Variants in MECOM observed in about 807,000 individuals in gnomAD.
MECOM encodes the protein histone-lysine N-methyltransferase MECOM.
Under a neutral mutation model 116.3 loss-of-function variants are expected in MECOM, and 13 were observed. The ratio of observed to expected loss-of-function variants is 0.11; its 90% CI spans 0.07 to 0.18. MECOM has a LOEUF of 0.18. Among genes scored for constraint, MECOM ranks in the 10% least tolerant of loss-of-function variants. The pLI is 1.00. For missense variants in MECOM, 1,299 were observed against 1,509.0 expected (o/e 0.86, Z 2.31); for synonymous variants, 528 against 535.2 (o/e 0.99, Z 0.19).
chr3:169,622,369 G>C (rs1770853473), intron 1 of MECOM, among the ~76,000 whole-genome samples: 1 of 152,174 alleles, frequency 6.6e-6, no homozygotes, highest in Non-Finnish European at 1.5e-5. Context: ...TGAGATTACA[G>C]GGTATGAGCC....
intron 3 of MECOM, chr3:169,131,764 C>T (rs1734793994): frequency 6.2e-6 from 4 of 640,628 alleles, no homozygotes; most frequent in African/African-American, 5.5e-5. Flanking sequence ...TTTTCCAAAT[C>T]CTACTTCACA....
intron 2 of MECOM, among the ~76,000 whole-genome samples, chr3:169,351,188 T>C (rs187191358): frequency 1.1e-4 from 17 of 151,972 alleles, no homozygotes; most frequent in African/African-American, 3.9e-4. Context: ...TTAATATAGA[T>C]GTACCCACTT....
Position 169,084,873 on chromosome 3 carries a change from T to A in MECOM, c.*36A>T. 2 of 1,613,320 alleles carry A rather than the reference T, an allele frequency of 1.2e-6. No individual in the cohort carries two copies. The highest frequency in any genetic ancestry group is 2.2e-5 in the South Asian group (2 of 90,982). On this transcript the variant is annotated 3_prime_UTR_variant, in exon 17 of 17. Coordinates refer to ENST00000651503, the MANE Select transcript of MECOM (RefSeq NM_004991.4). ...CCTATATGAAAGAGCCATGCTACTG[T>A]TGGACTTGGTCCCACTCTGGTCAAC... is the stretch of plus-strand genomic sequence containing the variant.
intron 2 of MECOM, among the ~76,000 whole-genome samples, chr3:169,178,340 G>A (rs953983027): frequency 1.3e-5 from 2 of 152,156 alleles, no homozygotes; most frequent in African/African-American, 4.8e-5. Context: ...AACCCCTGGA[G>A]GGTTTTGACA....
intron 2 of MECOM, among the ~76,000 whole-genome samples, chr3:169,333,632 A>C (rs556758253): frequency 6.6e-6 from 1 of 152,274 alleles, no homozygotes; most frequent in East Asian, 1.9e-4. Flanking sequence ...TACAAATTTT[A>C]ATTTTTTAAC....
At chr3:169,091,736 G>A (rs1719787304) in intron 14 of MECOM, among the ~76,000 whole-genome samples, 1 of 151,800 alleles carries the variant, frequency 6.6e-6, no homozygotes. Context: ...CTTTTTTCTT[G>A]TTTTTCTTTG....
At chr3:169,471,738 T>C (rs1010346733) in intron 1 of MECOM, among the ~76,000 whole-genome samples, 8 of 152,232 alleles carry the variant, frequency 5.3e-5, no homozygotes, top group African/African-American at 1.9e-4. Flanking sequence ...GAATCACATT[T>C]GTATAATTTT....
intron 2 of MECOM, among the ~76,000 whole-genome samples, chr3:169,324,764 T>C (rs886423996): frequency 1.3e-5 from 2 of 152,158 alleles, no homozygotes; most frequent in Non-Finnish European, 2.9e-5. Flanking sequence ...CTGAGGACAG[T>C]GGGCTGGGGC....
intron 2 of MECOM, among the ~76,000 whole-genome samples, chr3:169,184,092 C>T (rs1215330686): frequency 6.6e-6 from 1 of 152,126 alleles, no homozygotes; most frequent in African/African-American, 2.4e-5. Flanking sequence ...TCTCAATCTC[C>T]TGATCTCGTG....
chr3:169,348,305 T>TG (rs1725726765), intron 2 of MECOM, among the ~76,000 whole-genome samples: 1 of 152,038 alleles, frequency 6.6e-6, no homozygotes, highest in Admixed American at 6.6e-5. Flanking sequence ...GTGTGGAGTG[T>TG]GAAAAACAAT....
At chr3:169,111,035 C>T (rs1168538500) in intron 9 of MECOM, among the ~76,000 whole-genome samples, 3 of 152,210 alleles carry the variant, frequency 2.0e-5, no homozygotes, top group South Asian at 4.1e-4. Context: ...CTAACAGCTG[C>T]GAATTCATAC....
intron 2 of MECOM, among the ~76,000 whole-genome samples, chr3:169,294,923 A>G (rs1050019775): frequency 3.0e-4 from 45 of 152,104 alleles, no homozygotes; most frequent in African/African-American, 9.4e-4. Flanking sequence ...ATCCGGATCC[A>G]CAAGCACCCT....
intron 1 of MECOM, among the ~76,000 whole-genome samples, chr3:169,514,424 TG>T (rs1756375988): frequency 6.6e-6 from 1 of 152,170 alleles, no homozygotes; most frequent in African/African-American, 2.4e-5. Context: ...AAAAGGTTTT[TG>T]GTCTATAAGG....
intron 2 of MECOM, among the ~76,000 whole-genome samples, chr3:169,273,362 A>C (rs1759181262): frequency 6.6e-6 from 1 of 152,212 alleles, no homozygotes; most frequent in African/African-American, 2.4e-5. Flanking sequence ...GCACTTTACC[A>C]AATTACCTTT....
chr3:169,345,134 A>G (rs896902662), intron 2 of MECOM, among the ~76,000 whole-genome samples: 2 of 152,138 alleles, frequency 1.3e-5, no homozygotes, highest in African/African-American at 4.8e-5. Flanking sequence ...TCCAGCTGTA[A>G]GGGACCTGCA....
chr3:169,205,206 A>G (rs558536901), intron 2 of MECOM, among the ~76,000 whole-genome samples: 2 of 152,188 alleles, frequency 1.3e-5, no homozygotes, highest in Non-Finnish European at 2.9e-5. Flanking sequence ...TAAGTGAGTT[A>G]TAAACCCCTC....
chr3:169,542,325 G>GA (rs553126024), intron 1 of MECOM, among the ~76,000 whole-genome samples: 23,872 of 140,292 alleles, frequency 0.17, 2,187 homozygotes, highest in East Asian at 0.4. Flanking sequence ...TTGTCTTCTA[G>GA]AAAAAAAAAA....
rs965930093 is a variant in MECOM, at chr3:169,101,993, C to G, written c.2771+67G>C. 1.1e-5 allele frequency: 16 copies of G among 1,488,464 alleles called. No individual in the cohort carries two copies. In the African/African-American group the frequency reaches 2.1e-4, roughly 19 times the overall value. 92.2% of individuals were successfully genotyped at this position (1,488,464 alleles called of 1,614,324 possible). A position where few individuals can be genotyped will look rare whatever the true frequency, so the allele number is the denominator to read the frequency against. On this transcript the variant is annotated intron_variant, in intron 11 of 16. Transcript: ENST00000651503. ...AATCAGGAATAATTTCCAAAACAAA[C>G]AGCAAGACCTTTTGAAATCAGAGGG...
chr3:169,528,332 T>C lies in MECOM; in HGVS notation c.37+135004A>G, dbSNP rs545852428. On this transcript the variant is annotated intron_variant, in intron 1 of 16. Transcript: ENST00000651503. ...GATTAAGTGCCCATAGTCTCAAACA[T>C]AGAACATAAGAGCCTCTACTTGAAG... Among the ~76,000 whole-genome samples the C allele has an allele frequency of 4.3e-4, 66 of 152,240 alleles. 2 individuals carry two copies. The South Asian group carries it at 8.5e-3, about 20-fold the overall frequency.
Sources: gnomAD v4.1 joint callset for allele counts (sites outside exome capture counted in the v4.1 genomes callset) on GRCh38, gnomAD v4.1.1 for gene constraint, MANE v1.5 for transcripts, NCBI Gene and HGNC (gene_info 2026-07-23, HGNC 2026-07-21) for gene names.